The following DYM variants were observed in gnomAD, a reference collection of about 807,000 sequenced individuals.
DYM encodes the protein dyggve-Melchior-Clausen syndrome protein.
DYM carries 78 observed loss-of-function variants against 93.1 expected under a neutral mutation model. The ratio of observed to expected loss-of-function variants is 0.84; its 90% CI spans 0.70 to 1.01. The LOEUF (loss-of-function observed/expected upper bound fraction) is 1.01. DYM is among the 50% of genes least tolerant of loss of function. The probability of loss-of-function intolerance (pLI) is 0.00; values close to 1 mark genes in which losing one functional copy is unlikely to be tolerated. For synonymous variants in DYM, 321 were observed against 319.7 expected (o/e 1.00, Z -0.04); for missense variants, 789 against 845.0 (o/e 0.93, Z 0.82).
intron 2 of DYM, among the ~76,000 whole-genome samples, chr18:49,400,720 A>C (rs1387434755): frequency 6.6e-6 from 1 of 152,182 alleles, no homozygotes; most frequent in Non-Finnish European, 1.5e-5. Flanking sequence ...GTTACATTAG[A>C]ATTCCTTTCC....
At chr18:49,426,827 C>G (rs2074344631) in intron 2 of DYM, among the ~76,000 whole-genome samples, 1 of 151,444 alleles carries the variant, frequency 6.6e-6, no homozygotes, top group Non-Finnish European at 1.5e-5. Context: ...CCCTCTACCT[C>G]TGAGGTAAAG....
At chr18:49,103,963 C>T (rs2080483088) in intron 16 of DYM, among the ~76,000 whole-genome samples, 3 of 152,006 alleles carry the variant, frequency 2.0e-5, no homozygotes, top group South Asian at 4.2e-4. Context: ...TCATTGGTAG[C>T]TTGATGGGGA....
Position 49,201,980 on chromosome 18 carries a change from T to C in DYM, c.1625+7571A>G, listed in dbSNP as rs200387350. Among the ~76,000 whole-genome samples the C allele has an allele frequency of 5.3e-5, 8 of 152,214 alleles. No homozygotes were observed. In the East Asian group the frequency reaches 1.5e-3, roughly 29 times the overall value. On this transcript the variant is annotated intron_variant, in intron 14 of 17. Transcript: ENST00000675505. ...AATCACTGAATAAGCATTTGTTAAT[T>C]AGTCAGGACAGGAACTCTCTATTGT...
chr18:49,433,114 G>A (rs1464154214), intron 1 of DYM, among the ~76,000 whole-genome samples: 1 of 152,170 alleles, frequency 6.6e-6, no homozygotes, highest in East Asian at 1.9e-4. Context: ...CAGTGGTATA[G>A]AGAATCACAG....
intron 8 of DYM, among the ~76,000 whole-genome samples, chr18:49,316,498 G>A (rs568489376): frequency 5.3e-5 from 8 of 152,146 alleles, no homozygotes; most frequent in African/African-American, 1.7e-4. Flanking sequence ...TGATACTTAC[G>A]CAAGCATTTA....
intron 2 of DYM, among the ~76,000 whole-genome samples, chr18:49,407,290 T>A (rs552985269): frequency 8.5e-5 from 13 of 152,148 alleles, no homozygotes; most frequent in African/African-American, 2.7e-4. Flanking sequence ...TAAAACGGTA[T>A]AGAGCTATAC....
chr18:49,198,821 G>A (rs571454575), intron 14 of DYM, among the ~76,000 whole-genome samples: 6 of 151,894 alleles, frequency 4.0e-5, no homozygotes, highest in South Asian at 2.1e-4. Flanking sequence ...TCGGTGTGGC[G>A]ATTCCTCAGG....
chr18:49,438,196 G>A (rs1397717098), intron 1 of DYM, among the ~76,000 whole-genome samples: 1 of 152,032 alleles, frequency 6.6e-6, no homozygotes, highest in Admixed American at 6.6e-5. Context: ...CAAAATAACT[G>A]CTCAGTCCAA....
intron 1 of DYM, among the ~76,000 whole-genome samples, chr18:49,437,149 C>G (rs2148531135): frequency 6.6e-6 from 1 of 152,236 alleles, no homozygotes; most frequent in South Asian, 2.1e-4. Flanking sequence ...TGAAAATCTC[C>G]TTCCCATCCC....
intron 17 of DYM, among the ~76,000 whole-genome samples, chr18:49,060,748 GGAGAGAGAGAGAGAGAGGGGGAGA>G: frequency 8.1e-6 from 1 of 123,234 alleles, no homozygotes; most frequent in South Asian, 3.3e-4. Context: ...GGAGAAGGAG[GGAGAGAGAGAGAGAGAGGGGGAGA>G]GAGGGAGAGG....
intron 16 of DYM, among the ~76,000 whole-genome samples, chr18:49,102,362 T>A (rs1333048888): frequency 6.6e-6 from 1 of 152,218 alleles, no homozygotes; most frequent in Non-Finnish European, 1.5e-5. Context: ...AACTTCTTTT[T>A]GACACATGGG....
intron 14 of DYM, among the ~76,000 whole-genome samples, chr18:49,179,116 G>A (rs1299470773): frequency 6.6e-6 from 1 of 152,096 alleles, no homozygotes; most frequent in Non-Finnish European, 1.5e-5. Flanking sequence ...CAGTCACAAA[G>A]CTTTCTGAGA....
At chr18:49,207,937 C>G (rs2092600780) in intron 14 of DYM, among the ~76,000 whole-genome samples, 1 of 152,060 alleles carries the variant, frequency 6.6e-6, no homozygotes, top group South Asian at 2.1e-4. Context: ...AATTCCAACA[C>G]TTTGGGAGGC....
At chr18:49,095,336 A>G (rs2145503677) in intron 17 of DYM, among the ~76,000 whole-genome samples, 1 of 152,352 alleles carries the variant, frequency 6.6e-6, no homozygotes, top group Middle Eastern at 3.4e-3. Context: ...TTTTATTTCT[A>G]GTAACATCTG....
intron 5 of DYM, among the ~76,000 whole-genome samples, chr18:49,365,691 A>G (rs1372408948): frequency 6.6e-6 from 1 of 152,172 alleles, no homozygotes; most frequent in East Asian, 1.9e-4. Context: ...TTTCAGACCA[A>G]ATGCCAGTTT....
chr18:49,118,336 C>T (rs546712455), intron 16 of DYM, among the ~76,000 whole-genome samples: 5 of 152,118 alleles, frequency 3.3e-5, no homozygotes, highest in African/African-American at 1.2e-4. Context: ...TATTTATAAA[C>T]TTTTCATTCA....
At chr18:49,071,380 C>T (rs891900230) in intron 17 of DYM, among the ~76,000 whole-genome samples, 4 of 152,162 alleles carry the variant, frequency 2.6e-5, no homozygotes, top group Middle Eastern at 3.2e-3. Context: ...AAAAAGTAAC[C>T]ACTTAACTTC....
At chr18:49,223,111 A>T (rs1376541545) in intron 13 of DYM, among the ~76,000 whole-genome samples, 1 of 152,246 alleles carries the variant, frequency 6.6e-6, no homozygotes, top group East Asian at 1.9e-4. Flanking sequence ...AGTTTACAAT[A>T]GAAATTGATG....
intron 16 of DYM, among the ~76,000 whole-genome samples, chr18:49,110,632 GT>G (rs375950454): frequency 3.1e-4 from 47 of 151,932 alleles, no homozygotes; most frequent in African/African-American, 1.1e-3. Flanking sequence ...TCAAGACTGT[GT>G]TTTTTCTTTT....
Sources: gnomAD v4.1 joint callset for allele counts (sites outside exome capture counted in the v4.1 genomes callset) on GRCh38, gnomAD v4.1.1 for gene constraint, MANE v1.5 for transcripts, NCBI Gene and HGNC (gene_info 2026-07-23, HGNC 2026-07-21) for gene names.